The following GLIS3 variants were observed in gnomAD, a reference collection of about 807,000 sequenced individuals.
GLIS3 encodes zinc finger protein GLIS3.
Under a neutral mutation model 78.6 loss-of-function variants are expected in GLIS3, and 53 were observed. The observed-to-expected ratio is 0.67, with a 90% CI of 0.54 to 0.85. The LOEUF is 0.85. Ranked by LOEUF, GLIS3 falls within the 40% of genes least tolerant of loss-of-function variation. The probability of loss-of-function intolerance (pLI) is 0.00; values close to 1 mark genes in which losing one functional copy is unlikely to be tolerated. For synonymous variants in GLIS3, 684 were observed against 509.9 expected, an observed-to-expected ratio of 1.34 and a Z score of -4.60; for missense variants, 1,703 against 1,231.1, an observed-to-expected ratio of 1.38 and a Z score of -5.74.
At chr9:4,329,739 C>T (rs1587389106) in intron 2 of GLIS3, among the ~76,000 whole-genome samples, 1 of 152,084 alleles carries the variant, frequency 6.6e-6, no homozygotes, top group Non-Finnish European at 1.5e-5. Context: ...GTAGCATCTA[C>T]CCAGTGTTTA....
chr9:4,040,477 G>A (rs1222264405), intron 4 of GLIS3, among the ~76,000 whole-genome samples: 3 of 152,190 alleles, frequency 2.0e-5, no homozygotes, highest in Non-Finnish European at 2.9e-5. Flanking sequence ...AGACATCCCC[G>A]CTGATAGTAT....
the GLIS3 span, among the ~76,000 whole-genome samples, chr9:4,368,119 A>T: frequency 1.3e-5 from 2 of 152,236 alleles, no homozygotes; most frequent in Admixed American, 1.3e-4. Context: ...CTATTCTCAA[A>T]TAATGAATAA....
chr9:4,391,759 C>T, the GLIS3 span, among the ~76,000 whole-genome samples: 170 of 152,212 alleles, frequency 1.1e-3, 1 homozygote, highest in African/African-American at 4.0e-3. Context: ...CATCCAGTAC[C>T]TGGTACTGTT....
chr9:4,273,063 GC>G (rs1429356627), intron 2 of GLIS3, among the ~76,000 whole-genome samples: 5 of 152,156 alleles, frequency 3.3e-5, no homozygotes, highest in Non-Finnish European at 7.3e-5. Context: ...AAAATATAGA[GC>G]TTTTACGGTT....
chr9:3,846,779 G>A (rs1159841265), intron 9 of GLIS3, among the ~76,000 whole-genome samples: 1 of 152,178 alleles, frequency 6.6e-6, no homozygotes, highest in Admixed American at 6.5e-5. Context: ...TGCAGATACT[G>A]ACAAGAAGCA....
intron 2 of GLIS3, chr9:4,147,207 T>G (rs762810910): frequency 6.6e-6 from 1 of 152,226 alleles, no homozygotes; most frequent in Non-Finnish European, 1.5e-5. Flanking sequence ...ATTCTAAAAT[T>G]CCTAGTCCTC....
At chr9:4,014,382 T>C (rs902048052) in intron 4 of GLIS3, among the ~76,000 whole-genome samples, 2 of 152,074 alleles carry the variant, frequency 1.3e-5, no homozygotes, top group Non-Finnish European at 2.9e-5. Flanking sequence ...TATTTAGAAA[T>C]AGAGTCTCTG....
chr9:4,237,297 A>G (rs138937402), intron 2 of GLIS3, among the ~76,000 whole-genome samples: 8 of 152,264 alleles, frequency 5.3e-5, no homozygotes, highest in African/African-American at 1.4e-4. Context: ...TCTAGACGGA[A>G]TATTACACAG....
At chr9:4,001,584 T>G (rs1198196787) in intron 4 of GLIS3, among the ~76,000 whole-genome samples, 2 of 152,222 alleles carry the variant, frequency 1.3e-5, no homozygotes, top group Non-Finnish European at 2.9e-5. Flanking sequence ...TTACTTACTG[T>G]TCATTTTCTT....
intron 2 of GLIS3, among the ~76,000 whole-genome samples, chr9:4,141,997 T>C (rs1274297193): frequency 6.6e-6 from 1 of 152,238 alleles, no homozygotes; most frequent in Admixed American, 6.5e-5. Context: ...CTTTCATCTC[T>C]GCACCTTGTA....
At chr9:4,242,892 T>C (rs1027315935) in intron 2 of GLIS3, among the ~76,000 whole-genome samples, 1 of 152,244 alleles carries the variant, frequency 6.6e-6, no homozygotes, top group Non-Finnish European at 1.5e-5. Flanking sequence ...ATGTGGCTAC[T>C]AAAATTTTTA....
the GLIS3 span, among the ~76,000 whole-genome samples, chr9:4,449,715 A>G: frequency 6.6e-6 from 1 of 152,128 alleles, no homozygotes; most frequent in Non-Finnish European, 1.5e-5. Context: ...TCTGGAGTGG[A>G]CCTCTAGCAA....
At chr9:4,463,908 C>T in the GLIS3 span, among the ~76,000 whole-genome samples, 28 of 152,198 alleles carry the variant, frequency 1.8e-4, no homozygotes, top group African/African-American at 6.7e-4. Flanking sequence ...GGACAGTTTC[C>T]ATGAGTGAGA....
chr9:4,212,788 A>G (rs1383171005), intron 2 of GLIS3, among the ~76,000 whole-genome samples: 1 of 152,186 alleles, frequency 6.6e-6, no homozygotes, highest in East Asian at 1.9e-4. Context: ...GTTAGAGGCA[A>G]TGAGTAGAAG....
chr9:3,923,694 A>C (rs2130741269), intron 6 of GLIS3, among the ~76,000 whole-genome samples: 1 of 152,296 alleles, frequency 6.6e-6, no homozygotes, highest in East Asian at 1.9e-4. Context: ...TTACATGAAG[A>C]AGCTTTATGA....
chr9:4,247,262 G>C (rs1823888995), intron 2 of GLIS3, among the ~76,000 whole-genome samples: 1 of 151,988 alleles, frequency 6.6e-6, no homozygotes, highest in African/African-American at 2.4e-5. Flanking sequence ...TGTTTTAAGG[G>C]GATATAGCCT....
At chr9:4,417,876 T>G in the GLIS3 span, among the ~76,000 whole-genome samples, 12 of 152,186 alleles carry the variant, frequency 7.9e-5, no homozygotes, top group Non-Finnish European at 1.5e-4. Flanking sequence ...ATCAAGTTTA[T>G]TTTTTATTTT....
At chr9:4,293,505 T>C (rs1036712165) in intron 1 of GLIS3, among the ~76,000 whole-genome samples, 1 of 152,194 alleles carries the variant, frequency 6.6e-6, no homozygotes. Flanking sequence ...ATTAAAAAGA[T>C]TTTTTGAAAA....
At chr9:4,238,109 A>T (rs1277462984) in intron 2 of GLIS3, among the ~76,000 whole-genome samples, 1 of 152,172 alleles carries the variant, frequency 6.6e-6, no homozygotes, top group Non-Finnish European at 1.5e-5. Context: ...GTAAGCCTTT[A>T]GGACCACTCC....
Sources: allele counts gnomAD v4.1 joint callset (sites outside exome capture counted in the v4.1 genomes callset), GRCh38; gene constraint gnomAD v4.1.1; transcripts MANE v1.5; gene names NCBI Gene and HGNC (gene_info 2026-07-23, HGNC 2026-07-21).